Variants in PTK7 observed in about 807,000 individuals in gnomAD.
PTK7 encodes inactive tyrosine-protein kinase 7.
In PTK7, 39 loss-of-function variants were observed where a neutral mutation model predicts 116.6. That is an observed-to-expected ratio of 0.33 (90% CI 0.26 to 0.44). The LOEUF is 0.44. Ranked by LOEUF, PTK7 falls within the 20% of genes least tolerant of loss-of-function variation. The pLI is 1.00. For missense variants in PTK7, 1,169 were observed against 1,425.6 expected, an observed-to-expected ratio of 0.82 and a Z score of 2.90; for synonymous variants, 546 against 563.6, an observed-to-expected ratio of 0.97 and a Z score of 0.44.
chr6:43,127,345 G>C (rs1769352228), intron 1 of PTK7, among the ~76,000 whole-genome samples: 1 of 152,226 alleles, frequency 6.6e-6, no homozygotes, highest in African/African-American at 2.4e-5. Flanking sequence ...ACGCGGGCTA[G>C]GAACAAAGTC....
At chr6:43,104,141 G>A (rs1767733471) in intron 1 of PTK7, among the ~76,000 whole-genome samples, 1 of 152,040 alleles carries the variant, frequency 6.6e-6, no homozygotes, top group Admixed American at 6.5e-5. Flanking sequence ...ATGTAATACA[G>A]AAAATCAGAT....
rs140194994 is a variant in PTK7 at position 43,106,385 on chromosome 6, G to A, written c.80-22592G>A. Among the ~76,000 whole-genome samples the A allele has an allele frequency of 5.3e-5, 8 of 152,072 alleles. No individual in the cohort carries two copies. In the East Asian group the frequency reaches 7.7e-4, roughly 15 times the overall value. On this transcript the variant is annotated intron_variant, in intron 1 of 19. Transcript: ENST00000230419. ...TGCCCTGGCACAATCACAGCTCACC[G>A]CAGCCTTGACCTCCTGGACTCAAGG...
At chr6:43,153,474 A>T (rs952390296) in intron 17 of PTK7, among the ~76,000 whole-genome samples, 1 of 151,870 alleles carries the variant, frequency 6.6e-6, no homozygotes, top group South Asian at 2.1e-4. Flanking sequence ...CAGTGGTGCA[A>T]TCATGGCTCA....
chr6:43,106,883 TG>T (rs1767919054), intron 1 of PTK7, among the ~76,000 whole-genome samples: 1 of 150,428 alleles, frequency 6.6e-6, no homozygotes, highest in Non-Finnish European at 1.5e-5. Flanking sequence ...CCCAAAGTGC[TG>T]GGATTACAGG....
intron 1 of PTK7, among the ~76,000 whole-genome samples, chr6:43,081,152 C>T (rs1889530): frequency 4.6e-5 from 7 of 152,180 alleles, no homozygotes; most frequent in Non-Finnish European, 7.3e-5. Context: ...TCGGGCCAGT[C>T]CCCGGTTGTA....
At chr6:43,135,343 C>T (rs1206385347) in intron 7 of PTK7, among the ~76,000 whole-genome samples, 1 of 152,194 alleles carries the variant, frequency 6.6e-6, no homozygotes, top group African/African-American at 2.4e-5. Context: ...TAGCTCTTCC[C>T]AGTACTGGAT....
At chr6:43,131,701 G>A (rs149864963) in intron 5 of PTK7, 195 of 383,792 alleles carry the variant, frequency 5.1e-4, no homozygotes, top group African/African-American at 3.8e-3. Context: ...GGGAATTATG[G>A]GAGCTACAAT....
At chr6:43,100,494 AT>A (rs371212777) in intron 1 of PTK7, among the ~76,000 whole-genome samples, 32 of 151,262 alleles carry the variant, frequency 2.1e-4, no homozygotes, top group Non-Finnish European at 2.9e-4. Context: ...CTGTAATTTG[AT>A]TTTTTTCAAA....
intron 17 of PTK7, among the ~76,000 whole-genome samples, chr6:43,147,021 G>A (rs1003546973): frequency 1.1e-4 from 17 of 152,350 alleles, no homozygotes; most frequent in African/African-American, 3.6e-4. Context: ...GGAGCAGGAC[G>A]CCTGCCCACC....
chr6:43,158,893 C>T lies in PTK7; in HGVS notation c.2798C>T (p.Ala933Val). 5 of 1,614,192 alleles carry T rather than the reference C, an allele frequency of 3.1e-6. No individual in the cohort carries two copies. Among genetic ancestry groups the T allele is most frequent in the Non-Finnish European group, 4.2e-6 (5 of 1,180,020 alleles). The change falls in exon 18 of 20, where the codon GCG (alanine) becomes GTG (valine). Residue 933 changes from alanine (A) to valine (V), a missense_variant. Ala to Val is a moderately conservative substitution (Grantham distance 64). Transcript: ENST00000230419. Reference sequence around the variant, plus strand: ...CGCTTTGTGCATAAGGACTTGGCTGCGCGTAACTGCCTGGTCAGTGCCCAG... The same window carrying T: ...CGCTTTGTGCATAAGGACTTGGCTGTGCGTAACTGCCTGGTCAGTGCCCAG... ...NNRFVHKDLA[A>V]RNCLVSAQRQ...
At chr6:43,085,686 C>T (rs1273622932) in intron 1 of PTK7, among the ~76,000 whole-genome samples, 1 of 151,860 alleles carries the variant, frequency 6.6e-6, no homozygotes, top group Non-Finnish European at 1.5e-5. Context: ...GTAATCCCAG[C>T]ACTTTGGGAG....
chr6:43,138,358 G>A (rs1770171560), intron 7 of PTK7, among the ~76,000 whole-genome samples: 1 of 152,126 alleles, frequency 6.6e-6, no homozygotes, highest in Admixed American at 6.6e-5. Flanking sequence ...GTTAATTAAT[G>A]TGACAGTTAA....
chr6:43,151,481 G>C (rs1019421250), intron 17 of PTK7, among the ~76,000 whole-genome samples: 2 of 151,160 alleles, frequency 1.3e-5, no homozygotes, highest in South Asian at 4.2e-4. Context: ...CAAAGTGCTG[G>C]GATTACAGGC....
rs769984156 is a variant in PTK7 at position 43,159,854 on chromosome 6, G to A, written c.2940G>A (p.Glu980=). 2.5e-6 allele frequency: 4 copies of A among 1,614,226 alleles called. No individual in the cohort carries two copies. The Admixed American group carries it at 6.7e-5, about 27-fold the overall frequency. The change falls in exon 19 of 20, where the codon GAG becomes GAA. Residue 980 remains glutamate, a synonymous_variant. Transcript: ENST00000230419. ...GGATGTCCCCCGAGGCCATCCTGGAGGGTGACTTCTCTACCAAGTCTGATG... is the reference window on the plus strand; with the variant it reads ...GGATGTCCCCCGAGGCCATCCTGGAAGGTGACTTCTCTACCAAGTCTGATG... The part of the protein sequence containing the change: ...LRWMSPEAIL[E]GDFSTKSDVW...
intron 1 of PTK7, among the ~76,000 whole-genome samples, chr6:43,116,344 A>G (rs1364126514): frequency 1.3e-5 from 2 of 152,166 alleles, no homozygotes; most frequent in Admixed American, 1.3e-4. Flanking sequence ...CCTCCTGCAC[A>G]TGTGCTAACA....
In PTK7 at chr6:43,125,318, G is replaced by T. The variant is rs188676620; in HGVS notation, c.80-3659G>T. 1.2e-4 allele frequency among the ~76,000 whole-genome samples: 18 copies of T among 152,350 alleles called. 1 individual carries two copies. The East Asian group carries it at 3.3e-3, about 28-fold the overall frequency. The stretch of plus-strand genomic sequence containing the variant: ...CAGGCCCAGTCGTTGGGGCACAGGG[G>T]GCTCTGAGTGGCAGTCTGGGAATGC... On this transcript the variant is annotated intron_variant, in intron 1 of 19. Coordinates refer to ENST00000230419, the MANE Select transcript of PTK7 (RefSeq NM_002821.5).
At chr6:43,087,906 T>C (rs886137390) in intron 1 of PTK7, among the ~76,000 whole-genome samples, 3 of 152,162 alleles carry the variant, frequency 2.0e-5, no homozygotes, top group Admixed American at 6.5e-5. Flanking sequence ...ATTTTCTGGG[T>C]GCAAAGGGTG....
chr6:43,126,901 G>C (rs975365236), intron 1 of PTK7, among the ~76,000 whole-genome samples: 1 of 152,212 alleles, frequency 6.6e-6, no homozygotes, highest in Admixed American at 6.5e-5. Context: ...GAAGTAATGG[G>C]CTGCTTGGAG....
In PTK7 at chr6:43,158,809, C is replaced by T; in HGVS notation, c.2722-8C>T. The T allele has an allele frequency of 1.9e-6, 3 of 1,613,262 alleles. No individual in the cohort carries two copies. The South Asian group carries it at 3.3e-5, about 18-fold the overall frequency. The stretch of plus-strand genomic sequence containing the variant: ...GGGCTGCTCTAACAGGCCCCTTTAT[C>T]TCTCCAGGTGGCCCTATGCACCCAG... On this transcript the variant is annotated splice_polypyrimidine_tract_variant and splice_region_variant and intron_variant, in intron 17 of 19. Coordinates refer to ENST00000230419, the MANE Select transcript of PTK7 (RefSeq NM_002821.5).
Sources: allele counts gnomAD v4.1 joint callset (sites outside exome capture counted in the v4.1 genomes callset), GRCh38; gene constraint gnomAD v4.1.1; transcripts MANE v1.5; gene names NCBI Gene and HGNC (gene_info 2026-07-23, HGNC 2026-07-21).